Variants in MARCHF7 observed in about 807,000 individuals in gnomAD.
MARCHF7 encodes the protein E3 ubiquitin-protein ligase MARCHF7.
A neutral mutation model predicts 76.5 loss-of-function variants in MARCHF7; 20 were observed. The ratio of observed to expected loss-of-function variants is 0.26; its 90% CI spans 0.18 to 0.38. The LOEUF (loss-of-function observed/expected upper bound fraction) is 0.38. Ranked by LOEUF, MARCHF7 falls within the 10% of genes least tolerant of loss-of-function variation. MARCHF7 has a pLI of 1.00. For missense variants in MARCHF7, 797 were observed against 812.9 expected, an observed-to-expected ratio of 0.98 and a Z score of 0.24; for synonymous variants, 295 against 293.0, an observed-to-expected ratio of 1.01 and a Z score of -0.07.
Position 159,743,268 on chromosome 2 carries a change from C to A in MARCHF7, c.346+15C>A. The stretch of plus-strand genomic sequence containing the variant: ...CACATTATCAGGTAAGAATGAGTTT[C>A]TGTAGGTATTTTAAGCCGTTTTTCT... On this transcript the variant is annotated intron_variant, in intron 5 of 11. Coordinates refer to ENST00000409175, the MANE Select transcript of MARCHF7 (RefSeq NM_001282805.2). The A allele has an allele frequency of 6.2e-7, 1 of 1,603,244 alleles. No individual in the cohort carries two copies. The highest frequency in any genetic ancestry group is 8.5e-7 in the Non-Finnish European group (1 of 1,173,020).
At chr2:159,759,059 ACT>A (rs1355183222) in intron 8 of MARCHF7, among the ~76,000 whole-genome samples, 165 bp from the exon 9 acceptor site, 1 of 152,080 alleles carries the variant, frequency 6.6e-6, no homozygotes, top group East Asian at 1.9e-4. Context: ...GATATTATAG[ACT>A]GCTGTATTAG....
rs1705109146 is a variant in MARCHF7, at chr2:159,747,970, C to T, written c.680C>T (p.Ser227Phe). 6.2e-7 allele frequency: 1 copy of T among 1,614,060 alleles called. No individual in the cohort carries two copies. ...DSRNSLRSNF[S>F]SRESESSRSN... The stretch of plus-strand genomic sequence containing the variant: ...AGAAATTCTTTAAGATCAAATTTTT[C>T]TTCAAGAGAATCAGAATCTTCCCGA... Residue 227 changes from serine (S) to phenylalanine (F), a missense_variant, in exon 7 of 12, where the codon TCT becomes TTT. By Grantham distance (155) the Ser-to-Phe change is radical. Around this residue, in one of 3 missense-constraint regions of MARCHF7, gnomAD observed 643 missense variants for 631.5 expected, o/e 1.02. Transcript: ENST00000409175.
chr2:159,766,790 G>A (rs1707819474), intron 11 of MARCHF7, among the ~76,000 whole-genome samples: 1 of 152,074 alleles, frequency 6.6e-6, no homozygotes, highest in Non-Finnish European at 1.5e-5. Context: ...TTTTATCTTG[G>A]CATTGTATAG....
chr2:159,740,976 A>G (rs1259340922), intron 4 of MARCHF7, among the ~76,000 whole-genome samples: 3 of 152,214 alleles, frequency 2.0e-5, no homozygotes, highest in African/African-American at 7.2e-5. Context: ...CCAGGAGTTC[A>G]AAACAAGCTT....
intron 3 of MARCHF7, among the ~76,000 whole-genome samples, chr2:159,723,889 T>C (rs1701896968): frequency 6.6e-6 from 1 of 152,126 alleles, no homozygotes; most frequent in African/African-American, 2.4e-5. Context: ...GTGATGCTTT[T>C]TCTTTTCTTA....
intron 3 of MARCHF7, among the ~76,000 whole-genome samples, chr2:159,724,358 C>CT (rs1435708638): frequency 2.0e-5 from 3 of 152,058 alleles, no homozygotes; most frequent in Non-Finnish European, 4.4e-5. Context: ...TAGTGTTGGT[C>CT]TTTTTTCTTT....
chr2:159,739,568 T>A (rs989094307), intron 4 of MARCHF7, among the ~76,000 whole-genome samples: 4 of 152,208 alleles, frequency 2.6e-5, no homozygotes, highest in African/African-American at 9.7e-5. Flanking sequence ...ATTCCCTGAT[T>A]TCATTTGGCC....
intron 4 of MARCHF7, chr2:159,732,808 A>G: frequency 1.0e-6 from 1 of 976,966 alleles, no homozygotes; most frequent in Non-Finnish European, 1.2e-6. Context: ...ATGGGATTAC[A>G]GACATCTGCC....
intron 3 of MARCHF7, among the ~76,000 whole-genome samples, chr2:159,727,208 CA>C (rs1289454848): frequency 6.6e-6 from 1 of 152,126 alleles, no homozygotes; most frequent in Non-Finnish European, 1.5e-5. Context: ...ATAAATTTGC[CA>C]ATCACGAAAA....
At chr2:159,732,125 A>T (rs985920924) in intron 4 of MARCHF7, among the ~76,000 whole-genome samples, 1 of 152,070 alleles carries the variant, frequency 6.6e-6, no homozygotes, top group Middle Eastern at 3.2e-3. Flanking sequence ...AAAACAAAAA[A>T]CAAAAAAAAA....
chr2:159,768,405 T>C lies in MARCHF7; in HGVS notation c.*1063T>C, dbSNP rs1708011006. The C allele has an allele frequency of 6.6e-6, 1 of 152,604 alleles. No individual in the cohort carries two copies. The highest frequency in any genetic ancestry group is 2.1e-4 in the South Asian group (1 of 4,832). The allele number at this position is 152,604 out of a possible 1,614,324, so 9.5% of individuals were successfully genotyped here. On this transcript the variant is annotated 3_prime_UTR_variant, in exon 12 of 12. Coordinates refer to ENST00000409175, the MANE Select transcript of MARCHF7 (RefSeq NM_001282805.2). ...TGTATTTTTCTTCTGTCAGTACCCT[T>C]AGGATACACTTTAAAACACCTTAAG... is the stretch of plus-strand genomic sequence containing the variant.
At chr2:159,745,365 C>T (rs1017201695) in intron 5 of MARCHF7, among the ~76,000 whole-genome samples, 4 of 152,052 alleles carry the variant, frequency 2.6e-5, no homozygotes, top group Non-Finnish European at 4.4e-5. Flanking sequence ...TCATGATAAA[C>T]AACAGTAAGG....
Position 159,769,144 on chromosome 2 carries a change from A to C in MARCHF7, c.*1802A>C, listed in dbSNP as rs960536978. On this transcript the variant is annotated 3_prime_UTR_variant, in exon 12 of 12. Coordinates refer to ENST00000409175, the MANE Select transcript of MARCHF7 (RefSeq NM_001282805.2). ...GAGACCATACACTGCTCACTACAAG[A>C]ATGCAATTTTCTAAGAAAATGTAGT... 2.0e-5 allele frequency: 3 copies of C among 152,194 alleles called. No individual in the cohort carries two copies. The highest frequency in any genetic ancestry group is 4.8e-5 in the African/African-American group (2 of 41,448). 9.4% of individuals were successfully genotyped at this position (152,194 alleles called of 1,614,324 possible).
At chr2:159,727,458 G>A (rs1049215438) in intron 3 of MARCHF7, among the ~76,000 whole-genome samples, 13 of 152,024 alleles carry the variant, frequency 8.6e-5, no homozygotes, top group African/African-American at 2.4e-4. Context: ...CGTGGTGGCG[G>A]GAGCCTGTAG....
intron 3 of MARCHF7, among the ~76,000 whole-genome samples, chr2:159,718,884 C>T (rs575580142): frequency 5.9e-5 from 9 of 152,282 alleles, no homozygotes; most frequent in African/African-American, 2.2e-4. Flanking sequence ...ATCTGGAAAA[C>T]AGTAAATAAA....
rs138674166 is a variant in MARCHF7, at chr2:159,731,686, G to A, written c.153+2511G>A. 9.4e-3 allele frequency among the ~76,000 whole-genome samples: 1,411 copies of A among 149,970 alleles called. 11 individuals carry two copies. The highest frequency in any genetic ancestry group is 0.023 in the South Asian group (110 of 4,696). Reference sequence around the variant, plus strand: ...GGAGAATCACTTGAATCCTGGAGACGGAAGTTGCCATGAGCCAAGATCGCG... The same window carrying A: ...GGAGAATCACTTGAATCCTGGAGACAGAAGTTGCCATGAGCCAAGATCGCG... On this transcript the variant is annotated intron_variant, in intron 4 of 11. Coordinates refer to ENST00000409175, the MANE Select transcript of MARCHF7 (RefSeq NM_001282805.2).
In MARCHF7 at chr2:159,752,421, G is replaced by A. The variant is rs1705767482; in HGVS notation, c.1633G>A (p.Glu545Lys). ...IKESLLLEDSEEEEGDLCRIC... is the reference protein window; with the variant it reads ...IKESLLLEDSKEEEGDLCRIC... ...TTCCAGCCTCCTTTTAGAGGACTCA[G>A]AAGAAGAAGAAGGTGACTTATGTAG... Residue 545 changes from glutamate to lysine, a missense_variant, in exon 8 of 12, where the codon GAA (glutamate) becomes AAA (lysine). By Grantham distance (56) the Glu-to-Lys change is moderately conservative. Around this residue, in one of 3 missense-constraint regions of MARCHF7, gnomAD observed 643 missense variants for 631.5 expected, o/e 1.02. Coordinates refer to ENST00000409175, the MANE Select transcript of MARCHF7 (RefSeq NM_001282805.2). 6.3e-7 allele frequency: 1 copy of A among 1,579,726 alleles called. No individual in the cohort carries two copies. The highest frequency in any genetic ancestry group is 1.9e-5 in the Admixed American group (1 of 54,006).
In MARCHF7 at chr2:159,712,838, C is replaced by T. The variant is rs370783561; in HGVS notation, c.-143+232C>T. ...GGCCAAGGGGCCACAGCGCAGGCCT[C>T]CCTTGCCAGGGGCCTTTGGTCGGGT... is the stretch of plus-strand genomic sequence containing the variant. On this transcript the variant is annotated intron_variant, in intron 1 of 11. Coordinates refer to ENST00000409175, the MANE Select transcript of MARCHF7 (RefSeq NM_001282805.2). Among the ~76,000 whole-genome samples, 8 of 152,242 alleles carry T rather than the reference C, an allele frequency of 5.3e-5. No individual in the cohort carries two copies. In the South Asian group the frequency reaches 1.2e-3, roughly 24 times the overall value.
intron 4 of MARCHF7, chr2:159,733,343 T>C (rs2125444637): frequency 2.2e-6 from 1 of 462,612 alleles, no homozygotes; most frequent in African/African-American, 2.1e-5. Context: ...GCTCAAGCAG[T>C]CCTCCCACCT....
Sources: gnomAD v4.1 joint callset for allele counts (sites outside exome capture counted in the v4.1 genomes callset) on GRCh38, gnomAD v4.1.1 for gene constraint, gnomAD v4.1.1 regional missense constraint, MANE v1.5 for transcripts, NCBI Gene and HGNC (gene_info 2026-07-23, HGNC 2026-07-21) for gene names.